Variants in ZNF516 observed in about 807,000 individuals in gnomAD.
ZNF516 encodes the protein zinc finger protein 516.
In ZNF516, 19 loss-of-function variants were observed where a neutral mutation model predicts 79.7. That is an observed-to-expected ratio of 0.24 (90% confidence interval 0.17 to 0.35). ZNF516 has a LOEUF of 0.35. ZNF516 is among the 10% of genes least tolerant of loss of function. The probability of loss-of-function intolerance (pLI) is 1.00; values close to 1 mark genes in which losing one functional copy is unlikely to be tolerated. For missense variants in ZNF516, 1,678 were observed against 1,679.5 expected (o/e 1.00, Z 0.02); for synonymous variants, 877 against 739.5 (o/e 1.19, Z -3.02).
chr18:76,476,570 T>G (rs1240200037), intron 1 of ZNF516, among the ~76,000 whole-genome samples: 1 of 152,236 alleles, frequency 6.6e-6, no homozygotes, highest in Non-Finnish European at 1.5e-5. Context: ...ACAGTGTACA[T>G]TCTAAGCTCC....
intron 1 of ZNF516, among the ~76,000 whole-genome samples, chr18:76,485,047 C>T (rs1158081214): frequency 1.3e-5 from 1 of 78,820 alleles, no homozygotes; most frequent in East Asian, 5.6e-4. Context: ...TATTTATTAA[C>T]ACTTTTATTT....
Position 76,401,831 on chromosome 18 carries a change from C to CCACCACCAACCACACCCCCGCGCCG in ZNF516, c.1811-21529_1811-21528insCGGCGCGGGGGTGTGGTTGGTGGTG, listed in dbSNP as rs2075230520. Among the ~76,000 whole-genome samples, 75 of 18,112 alleles carry CCACCACCAACCACACCCCCGCGCCG rather than the reference C, an allele frequency of 4.1e-3. 2 individuals carry two copies. The highest frequency in any genetic ancestry group is 0.015 in the South Asian group (7 of 456). 11.9% of individuals were successfully genotyped at this position (18,112 alleles called of 152,430 possible). A position where few individuals can be genotyped will look rare whatever the true frequency, so the allele number is the denominator to read the frequency against. On this transcript the variant is annotated intron_variant, in intron 3 of 6. Transcript: ENST00000443185. ...CCACCACCAACCACACCCCCGCGCT[C>CCACCACCAACCACACCCCCGCGCCG]CATCTCTCCACCAACCACACCCCCG...
intron 4 of ZNF516, among the ~76,000 whole-genome samples, chr18:76,374,072 AAG>A (rs796159646): frequency 7.2e-5 from 11 of 152,378 alleles, no homozygotes; most frequent in African/African-American, 2.6e-4. Flanking sequence ...TCCATAGAGA[AAG>A]AGGAGATGAA....
chr18:76,371,283 A>G (rs2144941883), intron 5 of ZNF516, among the ~76,000 whole-genome samples, 184 bp downstream of exon 5: 1 of 152,318 alleles, frequency 6.6e-6, no homozygotes, highest in African/African-American at 2.4e-5. Context: ...ACACCAAAAA[A>G]ACCCATTTCA....
intron 4 of ZNF516, among the ~76,000 whole-genome samples, chr18:76,378,563 G>A (rs560782106): frequency 6.6e-6 from 1 of 152,356 alleles, no homozygotes; most frequent in African/African-American, 2.4e-5. Context: ...CTCTCAGCAG[G>A]AAGGAAGCCG....
At chr18:76,485,974 A>T (rs1914810850) in intron 1 of ZNF516, among the ~76,000 whole-genome samples, 1 of 152,084 alleles carries the variant, frequency 6.6e-6, no homozygotes, top group Non-Finnish European at 1.5e-5. Flanking sequence ...CAGAATAATC[A>T]GGAACTAAAC....
At chr18:76,464,894 G>C (rs1913364736) in intron 1 of ZNF516, among the ~76,000 whole-genome samples, 1 of 152,240 alleles carries the variant, frequency 6.6e-6, no homozygotes, top group Admixed American at 6.5e-5. Flanking sequence ...AGGAGCCCAA[G>C]TGGGAATGGA....
At chr18:76,399,119 C>T (rs112280363) in intron 3 of ZNF516, among the ~76,000 whole-genome samples, 4 of 152,130 alleles carry the variant, frequency 2.6e-5, no homozygotes, top group African/African-American at 4.8e-5. Context: ...AGCTATAGCC[C>T]GACTCCCTCC....
At position 76,451,435 on chromosome 18, in the gene ZNF516, T is replaced by C. The variant is rs898869740; in HGVS notation, c.-157-8224A>G. Among the ~76,000 whole-genome samples the C allele has an allele frequency of 3.9e-5, 6 of 151,950 alleles. No individual in the cohort carries two copies. Among genetic ancestry groups the C allele is most frequent in the Non-Finnish European group, 7.4e-5 (5 of 67,988 alleles). ...GAGGGGCTGGAGTGAACGGGAGGAA[T>C]TGGGGAGGGAGGGAAAACGCCAAAA... On this transcript the variant is annotated intron_variant, in intron 2 of 6. Coordinates refer to ENST00000443185, the MANE Select transcript of ZNF516 (RefSeq NM_014643.4). The surrounding 1 kb of genome is among the most constrained non-coding windows in gnomAD (Gnocchi z 6.0).
chr18:76,491,066 T>C (rs1283338544), intron 1 of ZNF516: 13 of 985,102 alleles, frequency 1.3e-5, no homozygotes, highest in Non-Finnish European at 1.3e-5. Flanking sequence ...GGTTCAGGTG[T>C]GAACACTTAT....
chr18:76,391,388 C>T (rs184665532), intron 3 of ZNF516, among the ~76,000 whole-genome samples: 2 of 152,220 alleles, frequency 1.3e-5, no homozygotes, highest in African/African-American at 4.8e-5. Flanking sequence ...CGTGAACCAA[C>T]CATAACCCTA....
At chr18:76,382,434 A>G (rs938301149) in intron 3 of ZNF516, among the ~76,000 whole-genome samples, 9 of 152,160 alleles carry the variant, frequency 5.9e-5, no homozygotes, top group Admixed American at 4.6e-4. Context: ...CTGAACACAC[A>G]TGTCCAAGAC....
chr18:76,473,903 T>TGTGTGGGGG (rs58634236), intron 1 of ZNF516, among the ~76,000 whole-genome samples: 3 of 54,166 alleles, frequency 5.5e-5, no homozygotes, highest in South Asian at 8.0e-4. Flanking sequence ...TGTTTTTGTG[T>TGTGTGGGGG]GGGGGGGGGG....
intron 2 of ZNF516, among the ~76,000 whole-genome samples, chr18:76,446,729 C>T (rs900225899): frequency 6.6e-6 from 1 of 152,210 alleles, no homozygotes; most frequent in African/African-American, 2.4e-5. Flanking sequence ...CGATGCTCTG[C>T]GATCAACAAA....
At chr18:76,489,402 A>ATGTGTG (rs1216182660) in intron 1 of ZNF516, among the ~76,000 whole-genome samples, 71 of 152,178 alleles carry the variant, frequency 4.7e-4, no homozygotes, top group Non-Finnish European at 1.6e-4. Context: ...ACGTTGCTAA[A>ATGTGTG]CTTAATCACA....
Position 76,377,738 on chromosome 18 carries a change from T to TG in ZNF516, c.3259+1116dup, listed in dbSNP as rs1364329412. Among the ~76,000 whole-genome samples the TG allele has an allele frequency of 6.7e-3, 997 of 149,820 alleles. 2 individuals carry two copies. The highest frequency in any genetic ancestry group is 0.024 in the African/African-American group (953 of 40,306). On this transcript the variant is annotated intron_variant, in intron 4 of 6. Coordinates refer to ENST00000443185, the MANE Select transcript of ZNF516 (RefSeq NM_014643.4). Reference sequence around the variant, plus strand: ...TTATTTTTTTTTTTTTTTTTTGAGATGGAGTCTCACTCTGTCACCCAGGCT... The same window carrying TG: ...TTATTTTTTTTTTTTTTTTTTGAGATGGGAGTCTCACTCTGTCACCCAGGCT...
In ZNF516 at chr18:76,403,144, C is replaced by A. The variant is rs193173417; in HGVS notation, c.1811-22841G>T. On this transcript the variant is annotated intron_variant, in intron 3 of 6. Coordinates refer to ENST00000443185, the MANE Select transcript of ZNF516 (RefSeq NM_014643.4). Reference sequence around the variant, plus strand: ...TAATTACCCATGTTTATCTACCCTGCGTTTACTATACATAGGAATAAAACA... The same window carrying A: ...TAATTACCCATGTTTATCTACCCTGAGTTTACTATACATAGGAATAAAACA... Among the ~76,000 whole-genome samples the A allele has an allele frequency of 5.3e-5, 8 of 152,352 alleles. No individual in the cohort carries two copies. The East Asian group carries it at 1.2e-3, about 22-fold the overall frequency.
At chr18:76,415,018 T>G (rs1404545937) in intron 3 of ZNF516, among the ~76,000 whole-genome samples, 1 of 152,130 alleles carries the variant, frequency 6.6e-6, no homozygotes, top group East Asian at 1.9e-4. Flanking sequence ...GCCAACCTGG[T>G]GAAACCCCAT....
At chr18:76,444,150 TAAGTAAGG>T (rs1911900592) in intron 2 of ZNF516, among the ~76,000 whole-genome samples, 1 of 151,962 alleles carries the variant, frequency 6.6e-6, no homozygotes, top group African/African-American at 2.4e-5. Context: ...TGACACAGGG[TAAGTAAGG>T]TAAAGCAGCA....
Sources: allele counts gnomAD v4.1 joint callset (sites outside exome capture counted in the v4.1 genomes callset), GRCh38; gene constraint gnomAD v4.1.1; non-coding constraint Gnocchi (gnomAD v3.1); transcripts MANE v1.5; gene names NCBI Gene and HGNC (gene_info 2026-07-23, HGNC 2026-07-21).